OAS3: variants seen among roughly 807,000 people sequenced by gnomAD.
OAS3 encodes 2'-5'-oligoadenylate synthase 3.
In OAS3, 107 loss-of-function variants were observed where a neutral mutation model predicts 113.0. The ratio of observed to expected loss-of-function variants is 0.95; its 90% CI spans 0.81 to 1.11. The LOEUF (loss-of-function observed/expected upper bound fraction) is 1.11, where lower values mean the gene tolerates loss of function less well. Among genes scored for constraint, OAS3 ranks in the 50% most tolerant of loss-of-function variants. The pLI, the probability that OAS3 is intolerant of heterozygous loss-of-function variation, is 0.00. For synonymous variants in OAS3, 552 were observed against 573.6 expected (o/e 0.96, Z 0.54); for missense variants, 1,258 against 1,389.1 (o/e 0.91, Z 1.50).
chr12:112,964,380 C>A lies in OAS3; in HGVS notation c.2375C>A (p.Ser792Tyr), dbSNP rs1300917637. The change falls in exon 11 of 16, where the codon TCT becomes TAT. Residue 792 changes from serine to tyrosine, a missense_variant. By Grantham distance (144) the Ser-to-Tyr change is moderately radical (BLOSUM62 -2). Transcript: ENST00000228928. ...SFLKENCFRN[S>Y]PIKVIKVVKG... ...TTGAAGGAAAACTGCTTCCGGAATTCTCCCATCAAAGTGATCAAGGTGGTC... is the reference window on the plus strand; with the variant it reads ...TTGAAGGAAAACTGCTTCCGGAATTATCCCATCAAAGTGATCAAGGTGGTC... The A allele has an allele frequency of 5.6e-6, 9 of 1,612,392 alleles. No homozygotes were observed. Among genetic ancestry groups the A allele is most frequent in the Non-Finnish European group, 5.9e-6 (7 of 1,179,324 alleles).
In OAS3 at chr12:112,950,686, T is replaced by C. The variant is rs767455016; in HGVS notation, c.1375-7T>C. 6.2e-7 allele frequency: 1 copy of C among 1,613,622 alleles called. No homozygotes were observed. On this transcript the variant is annotated splice_region_variant and splice_polypyrimidine_tract_variant and intron_variant, in intron 6 of 15. Coordinates refer to ENST00000228928, the MANE Select transcript of OAS3 (RefSeq NM_006187.4). ...GTCCCTGATCTGAGCTGTTCTTCCC[T>C]CCACAGGGGGGCTCATTTGGCCGGG...
intron 2 of OAS3, among the ~76,000 whole-genome samples, chr12:112,943,431 C>A (rs368542447): frequency 6.6e-6 from 1 of 152,140 alleles, no homozygotes; most frequent in African/African-American, 2.4e-5. Context: ...AGCAGGCAAG[C>A]GGTAGCAGCA....
chr12:112,961,401 C>T (rs1024934288), intron 8 of OAS3, among the ~76,000 whole-genome samples, 155 bp downstream of exon 8: 2 of 152,214 alleles, frequency 1.3e-5, no homozygotes, highest in Admixed American at 6.5e-5. Context: ...CATTTCCTGC[C>T]CAGATCTGGA....
Position 112,946,971 on chromosome 12 carries a change from A to C in OAS3, c.865A>C (p.Lys289Gln). 1 of 1,613,824 alleles carries C rather than the reference A, an allele frequency of 6.2e-7. No individual in the cohort carries two copies. Among genetic ancestry groups the C allele is most frequent in the South Asian group, 1.1e-5 (1 of 91,062 alleles). ...TGGGCAGTTCTTGCAGCGGCAGCTT[A>C]AGAGACCCAGGTACTTCCTAATAGC... The part of the protein sequence containing the change: ...AVGQFLQRQL[K>Q]RPRPVILDPA... Residue 289 changes from lysine (K) to glutamine (Q), a missense_variant, in exon 4 of 16, where the codon AAG (lysine) becomes CAG (glutamine). Coordinates refer to ENST00000228928, the MANE Select transcript of OAS3 (RefSeq NM_006187.4).
At position 112,970,051 on chromosome 12, in the gene OAS3, C is replaced by A; in HGVS notation, c.*78C>A. On this transcript the variant is annotated 3_prime_UTR_variant, in exon 16 of 16. Coordinates refer to ENST00000228928, the MANE Select transcript of OAS3 (RefSeq NM_006187.4). The stretch of plus-strand genomic sequence containing the variant: ...TCAGCATGAGGAAATTCAGGGTCCC[C>A]TACCAGATGAGAGAGATTGTGTACA... 1 of 1,521,514 alleles carries A rather than the reference C, an allele frequency of 6.6e-7. No homozygotes were observed. The allele number at this position is 1,521,514 out of a possible 1,614,324, so 94.3% of individuals were successfully genotyped here.
chr12:112,948,064 G>T lies in OAS3; in HGVS notation c.994G>T (p.Gly332Trp). 1.3e-6 allele frequency: 2 copies of T among 1,576,362 alleles called. No individual in the cohort carries two copies. The highest frequency in any genetic ancestry group is 8.6e-7 in the Non-Finnish European group (1 of 1,160,834). ...SCYDHPCFLR[G>W]MGDPVQSWKG... ...CTATGACCACCCATGCTTTCTGAGG[G>T]GGATGGGGGACCCAGTGCAGTCTTG... The change falls in exon 5 of 16, where the codon GGG becomes TGG. Residue 332 changes from glycine (G) to tryptophan (W), a missense_variant. Coordinates refer to ENST00000228928, the MANE Select transcript of OAS3 (RefSeq NM_006187.4).
At chr12:112,961,038 G>A (rs1443058281) in intron 7 of OAS3, 33 bp from the exon 8 acceptor site, 1 of 1,606,880 alleles carries the variant, frequency 6.2e-7, no homozygotes, top group Non-Finnish European at 8.5e-7. Flanking sequence ...TTCAATTGGA[G>A]TTGCACACTC....
At position 112,946,914 on chromosome 12, in the gene OAS3, A is replaced by G; in HGVS notation, c.808A>G (p.Thr270Ala). The change falls in exon 4 of 16, where the codon ACT (threonine) becomes GCT (alanine). Residue 270 changes from threonine to alanine, a missense_variant. By Grantham distance (58) the Thr-to-Ala change is moderately conservative. Coordinates refer to ENST00000228928, the MANE Select transcript of OAS3 (RefSeq NM_006187.4). ...QQHQHLCVFW[T>A]VNYGFEDPAV... is the part of the protein sequence containing the mutation. ...GCATCAGCACCTGTGTGTTTTCTGG[A>G]CTGTCAACTATGGCTTCGAGGACCC... 1 of 1,614,028 alleles carries G rather than the reference A, an allele frequency of 6.2e-7. No individual in the cohort carries two copies. Among genetic ancestry groups the G allele is most frequent in the South Asian group, 1.1e-5 (1 of 91,088 alleles).
chr12:112,957,965 C>T (rs947174668), intron 7 of OAS3, among the ~76,000 whole-genome samples: 4 of 152,310 alleles, frequency 2.6e-5, no homozygotes, highest in South Asian at 4.1e-4. Context: ...TGTCACTTTC[C>T]GGTACACCAA....
rs1210296425 is a variant in OAS3, at chr12:112,971,959, A to G, written c.*1986A>G. 1 of 152,352 alleles carries G rather than the reference A, an allele frequency of 6.6e-6. No homozygotes were observed. Among genetic ancestry groups the G allele is most frequent in the East Asian group, 1.9e-4 (1 of 5,196 alleles). The allele number at this position is 152,352 out of a possible 1,614,324, so 9.4% of individuals were successfully genotyped here. On this transcript the variant is annotated 3_prime_UTR_variant, in exon 16 of 16. Coordinates refer to ENST00000228928, the MANE Select transcript of OAS3 (RefSeq NM_006187.4). ...CCAAAGCTAGAACTCTCAGGACCCC[A>G]AACTCCACCTCTTGGATTGGCCCTG...
intron 5 of OAS3, 109 bp downstream of exon 5, chr12:112,948,208 AG>A: frequency 8.9e-7 from 1 of 1,128,134 alleles, no homozygotes; most frequent in South Asian, 2.4e-5. Flanking sequence ...TTTAAAAAGC[AG>A]GGGTGGCCAG....
At chr12:112,961,589 A>G (rs1404255770) in intron 8 of OAS3, among the ~76,000 whole-genome samples, 3 of 152,016 alleles carry the variant, frequency 2.0e-5, no homozygotes, top group Non-Finnish European at 2.9e-5. Context: ...CTATTTTTAG[A>G]AAAGAAAACT....
intron 7 of OAS3, among the ~76,000 whole-genome samples, chr12:112,956,744 G>A (rs1026599019): frequency 6.6e-6 from 1 of 152,212 alleles, no homozygotes; most frequent in African/African-American, 2.4e-5. Context: ...GCTGAGGAGT[G>A]CTTTTCTTCC....
intron 7 of OAS3, among the ~76,000 whole-genome samples, chr12:112,956,199 T>C (rs1033085121): frequency 1.3e-5 from 2 of 152,226 alleles, no homozygotes; most frequent in Non-Finnish European, 2.9e-5. Context: ...TTATCATTTT[T>C]TATTGTGTCT....
Position 112,963,868 on chromosome 12 carries a change from C to G in OAS3, c.2230-367C>G, listed in dbSNP as rs938814712. Reference sequence around the variant, plus strand: ...ATGCACAAGAATTCCTGCCATGGACCCTGCTTCTAGGAAAACTGAGACATA... The same window carrying G: ...ATGCACAAGAATTCCTGCCATGGACGCTGCTTCTAGGAAAACTGAGACATA... On this transcript the variant is annotated intron_variant, in intron 10 of 15. Coordinates refer to ENST00000228928, the MANE Select transcript of OAS3 (RefSeq NM_006187.4). The surrounding 1 kb of genome is among the most constrained non-coding windows in gnomAD (Gnocchi z 4.6). Among the ~76,000 whole-genome samples, 8 of 152,140 alleles carry G rather than the reference C, an allele frequency of 5.3e-5. No homozygotes were observed. Among genetic ancestry groups the G allele is most frequent in the Non-Finnish European group, 1.0e-4 (7 of 68,020 alleles).
chr12:112,946,248 G>A (rs1160662459), intron 3 of OAS3, among the ~76,000 whole-genome samples: 1 of 152,062 alleles, frequency 6.6e-6, no homozygotes, highest in East Asian at 1.9e-4. Context: ...TCCCTCCCTG[G>A]TACGTGGAGA....
At chr12:112,967,847 T>G in intron 13 of OAS3, 89 bp from the exon 14 acceptor site, 1 of 1,449,086 alleles carries the variant, frequency 6.9e-7, no homozygotes, top group Non-Finnish European at 9.2e-7. Context: ...AATAAAAGTT[T>G]TGGGGTTGCT....
At position 112,944,460 on chromosome 12, in the gene OAS3, C is replaced by G. The variant is rs367981607; in HGVS notation, c.461-16C>G. ...CCTCAGTGCCCTCCCTAACTCACAGCGCTTCACACCAACAGGTCAGGCCGG... is the reference window on the plus strand; with the variant it reads ...CCTCAGTGCCCTCCCTAACTCACAGGGCTTCACACCAACAGGTCAGGCCGG... On this transcript the variant is annotated splice_polypyrimidine_tract_variant and intron_variant, in intron 2 of 15. Transcript: ENST00000228928. 6.2e-7 allele frequency: 1 copy of G among 1,613,694 alleles called. No homozygotes were observed. Among genetic ancestry groups the G allele is most frequent in the Non-Finnish European group, 8.5e-7 (1 of 1,179,798 alleles).
rs760242658 is a variant in OAS3 at position 112,938,563 on chromosome 12, G to A, written c.33G>A (p.Leu11=). Residue 11 remains leucine, a synonymous_variant, in exon 1 of 16, where the codon CTG becomes CTA. Coordinates refer to ENST00000228928, the MANE Select transcript of OAS3 (RefSeq NM_006187.4). The part of the protein sequence containing the change: MDLYSTPAAA[L]DRFVARRLQP... Reference sequence around the variant, plus strand: ...TGTACAGCACCCCGGCCGCTGCGCTGGACAGGTTCGTGGCCAGAAGGCTGC... The same window carrying A: ...TGTACAGCACCCCGGCCGCTGCGCTAGACAGGTTCGTGGCCAGAAGGCTGC... 4.3e-6 allele frequency: 7 copies of A among 1,610,066 alleles called. No homozygotes were observed.
Sources: gnomAD v4.1 joint callset for allele counts (sites outside exome capture counted in the v4.1 genomes callset) on GRCh38, gnomAD v4.1.1 for gene constraint, Gnocchi (gnomAD v3.1) non-coding constraint, MANE v1.5 for transcripts, NCBI Gene and HGNC (gene_info 2026-07-23, HGNC 2026-07-21) for gene names.